STUM: variants seen among roughly 807,000 people sequenced by gnomAD.
STUM encodes the protein protein stum homolog.
In STUM, 8 loss-of-function variants were observed where a neutral mutation model predicts 15.3. The observed-to-expected ratio is 0.52, with a 90% CI of 0.31 to 0.94. STUM has a LOEUF of 0.94. Among genes scored for constraint, STUM ranks in the 40% least tolerant of loss-of-function variants. The probability of loss-of-function intolerance (pLI) is 0.05; values close to 1 mark genes in which losing one functional copy is unlikely to be tolerated. For synonymous variants in STUM, 78 were observed against 88.7 expected, an observed-to-expected ratio of 0.88 and a Z score of 0.68; for missense variants, 142 against 204.9, an observed-to-expected ratio of 0.69 and a Z score of 1.87.
rs1356133421 is a variant in STUM, at chr1:226,549,442, C to T, written c.202+336C>T. On this transcript the variant is annotated intron_variant, in intron 1 of 3. Transcript: ENST00000366788. The surrounding 1 kb of genome is among the most constrained non-coding windows in gnomAD (Gnocchi z 6.8). ...CGTCCCGGCGCCCCGATTTCTGCTC[C>T]TTCTCTCCGTCGTGTGCATCCGTCC... 2.0e-5 allele frequency among the ~76,000 whole-genome samples: 3 copies of T among 152,192 alleles called. No individual in the cohort carries two copies. The highest frequency in any genetic ancestry group is 2.9e-5 in the Non-Finnish European group (2 of 68,032).
At chr1:226,557,889 T>A (rs922381895) in intron 1 of STUM, among the ~76,000 whole-genome samples, 3 of 152,200 alleles carry the variant, frequency 2.0e-5, no homozygotes, top group Non-Finnish European at 4.4e-5. Flanking sequence ...AAAAACCATA[T>A]GATCATCTCA....
chr1:226,599,026 G>T (rs536017168), intron 2 of STUM, among the ~76,000 whole-genome samples: 12 of 152,180 alleles, frequency 7.9e-5, no homozygotes, highest in Non-Finnish European at 1.5e-4. Flanking sequence ...AAGAGAGTTT[G>T]TGCCGGGAAA....
In STUM at chr1:226,608,657, C is replaced by T. The variant is rs1460426811; in HGVS notation, c.*6617C>T. ...CTGGGGTTTTCTTGTCTCACTTCTA[C>T]CCTGACCTGCTGGGAGCCCACCCCA... On this transcript the variant is annotated 3_prime_UTR_variant, in exon 4 of 4. Coordinates refer to ENST00000366788, the MANE Select transcript of STUM (RefSeq NM_001003665.4). The surrounding 1 kb of genome is among the most constrained non-coding windows in gnomAD (Gnocchi z 4.0). The T allele has an allele frequency of 6.6e-6, 1 of 152,202 alleles. No individual in the cohort carries two copies. Among genetic ancestry groups the T allele is most frequent in the Non-Finnish European group, 1.5e-5 (1 of 68,064 alleles). The allele number at this position is 152,202 out of a possible 1,614,324, so 9.4% of individuals were successfully genotyped here.
intron 1 of STUM, among the ~76,000 whole-genome samples, chr1:226,592,046 T>G (rs542777816): frequency 6.9e-6 from 1 of 145,104 alleles, no homozygotes; most frequent in South Asian, 2.1e-4. Flanking sequence ...TATTATTAAT[T>G]TTTTTGTTGT....
At chr1:226,589,662 G>A (rs1417238798) in intron 1 of STUM, among the ~76,000 whole-genome samples, 1 of 152,092 alleles carries the variant, frequency 6.6e-6, no homozygotes, top group Admixed American at 6.6e-5. Flanking sequence ...TTTGGTGGTT[G>A]ACAATACAGT....
chr1:226,568,533 A>T (rs116098113), intron 1 of STUM, among the ~76,000 whole-genome samples: 4,192 of 152,362 alleles, frequency 0.028, 88 homozygotes, highest in Non-Finnish European at 0.042. Flanking sequence ...TTCAACACAC[A>T]TTTAATTTTT....
At chr1:226,558,179 G>A (rs891650914) in intron 1 of STUM, among the ~76,000 whole-genome samples, 9 of 152,208 alleles carry the variant, frequency 5.9e-5, no homozygotes, top group African/African-American at 2.2e-4. Flanking sequence ...AATAGGAAAG[G>A]AAGAAGTGAA....
intron 1 of STUM, among the ~76,000 whole-genome samples, chr1:226,571,696 A>G (rs888794208): frequency 6.6e-6 from 1 of 151,682 alleles, no homozygotes; most frequent in South Asian, 2.1e-4. Context: ...CTGGAGTGCA[A>G]TGGCGTGATC....
intron 1 of STUM, among the ~76,000 whole-genome samples, chr1:226,594,315 A>G (rs532311395): frequency 6.2e-4 from 95 of 152,362 alleles, no homozygotes; most frequent in Admixed American, 5.2e-3. Flanking sequence ...AGGCAGGGTC[A>G]GTTTCAGAAA....
intron 1 of STUM, among the ~76,000 whole-genome samples, chr1:226,550,595 C>G (rs1215304027): frequency 6.9e-6 from 1 of 144,218 alleles, no homozygotes; most frequent in Non-Finnish European, 1.5e-5. Context: ...CTTGATCCAC[C>G]TTTTTTTTTT....
chr1:226,582,122 C>T (rs1311725720), intron 1 of STUM, among the ~76,000 whole-genome samples: 1 of 152,248 alleles, frequency 6.6e-6, no homozygotes, highest in African/African-American at 2.4e-5. Flanking sequence ...AGCCTGACCA[C>T]AGCTCCACTG....
intron 1 of STUM, among the ~76,000 whole-genome samples, chr1:226,563,731 A>T (rs1051455181): frequency 5.3e-5 from 8 of 152,252 alleles, no homozygotes; most frequent in African/African-American, 1.9e-4. Context: ...GACCTCAAAG[A>T]AACACCTCAA....
chr1:226,592,741 G>A (rs1668110446), intron 1 of STUM, among the ~76,000 whole-genome samples: 1 of 152,222 alleles, frequency 6.6e-6, no homozygotes, highest in Admixed American at 6.5e-5. Context: ...TGCACTGGCA[G>A]AAGCAAAGAA....
At chr1:226,599,183 A>T (rs533157677) in intron 2 of STUM, among the ~76,000 whole-genome samples, 7 of 152,282 alleles carry the variant, frequency 4.6e-5, no homozygotes, top group African/African-American at 1.7e-4. Context: ...ATTCAAGATG[A>T]GATTTGGGTG....
At chr1:226,577,707 G>A (rs950174201) in intron 1 of STUM, among the ~76,000 whole-genome samples, 2 of 152,278 alleles carry the variant, frequency 1.3e-5, no homozygotes, top group South Asian at 2.1e-4. Flanking sequence ...AGCAGCAGCC[G>A]CTCTTACTGT....
rs553120997 is a variant in STUM, at chr1:226,581,694, GAGA to G, written c.203-15103_203-15101del. Among the ~76,000 whole-genome samples the G allele has an allele frequency of 5.3e-5, 8 of 152,328 alleles. No individual in the cohort carries two copies. In the South Asian group the frequency reaches 1.7e-3, roughly 32 times the overall value. On this transcript the variant is annotated intron_variant, in intron 1 of 3. Transcript: ENST00000366788. ...GATGGACAGCCAGGTAGTGGGTGGG[GAGA>G]AGAACTGGAAACCAGCAAAATGAGC...
intron 1 of STUM, among the ~76,000 whole-genome samples, chr1:226,587,243 C>A: frequency 6.6e-6 from 1 of 152,104 alleles, no homozygotes; most frequent in Admixed American, 6.5e-5. Flanking sequence ...TAGCTCCAGT[C>A]GCCTTCACCC....
chr1:226,585,654 C>A (rs1381281518), intron 1 of STUM, among the ~76,000 whole-genome samples: 3 of 152,222 alleles, frequency 2.0e-5, no homozygotes, highest in Admixed American at 6.5e-5. Context: ...ACTCAGAGGA[C>A]TGACCACACA....
intron 1 of STUM, among the ~76,000 whole-genome samples, chr1:226,577,350 TA>T (rs77979567): frequency 0.075 from 11,185 of 148,938 alleles, 517 homozygotes; most frequent in South Asian, 0.23. Flanking sequence ...CAAACCCGGT[TA>T]AAAAAAAAAG....
Sources: allele counts gnomAD v4.1 joint callset (sites outside exome capture counted in the v4.1 genomes callset), GRCh38; gene constraint gnomAD v4.1.1; non-coding constraint Gnocchi (gnomAD v3.1); transcripts MANE v1.5; gene names NCBI Gene and HGNC (gene_info 2026-07-23, HGNC 2026-07-21).